CCNL2: variants seen among roughly 807,000 people sequenced by gnomAD.
The protein encoded by CCNL2 is cyclin-L2.
Under a neutral mutation model 59.1 loss-of-function variants are expected in CCNL2, and 28 were observed. The ratio of observed to expected loss-of-function variants is 0.47; its 90% confidence interval spans 0.35 to 0.65. The LOEUF (loss-of-function observed/expected upper bound fraction) is 0.65, where lower values mean the gene tolerates loss of function less well. Among genes scored for constraint, CCNL2 ranks in the 30% least tolerant of loss-of-function variants. The pLI is 0.00. For synonymous variants in CCNL2, 342 were observed against 288.6 expected, an observed-to-expected ratio of 1.19 and a Z score of -1.88; for missense variants, 714 against 717.4, an observed-to-expected ratio of 1.00 and a Z score of 0.05.
chr1:1,393,585 G>A (rs1329957599), intron 4 of CCNL2, 125 bp from the exon 5 acceptor site: 42 of 810,208 alleles, frequency 5.2e-5, no homozygotes, highest in Non-Finnish European at 6.8e-5. Flanking sequence ...CTGGCCACAC[G>A]TCTGGCGGAC....
At chr1:1,398,921 G>T in intron 1 of CCNL2, 98 bp downstream of exon 1, 1 of 1,453,520 alleles carries the variant, frequency 6.9e-7, no homozygotes. Context: ...CTGGGGTCGG[G>T]GTCTAGGCGG....
Position 1,390,498 on chromosome 1 carries a change from T to G in CCNL2, c.825A>C (p.Glu275Asp). Residue 275 changes from glutamate to aspartate, a missense_variant, in exon 7 of 11, where the codon GAA (glutamate) becomes GAC (aspartate). Transcript: ENST00000400809. ...LFGATEEEIQ[E>D]ICLKILQLYA... ...AAAGCTGCAAGATCTTTAAGCAGAT[T>G]TCCTGAATTTCTTCTTCAGTTGCTC... The G allele has an allele frequency of 6.2e-7, 1 of 1,613,880 alleles. No homozygotes were observed. The highest frequency in any genetic ancestry group is 8.5e-7 in the Non-Finnish European group (1 of 1,179,954).
rs752562869 is a variant in CCNL2 at position 1,399,272 on chromosome 1, C to T, written c.35G>A (p.Gly12Glu). 7.2e-6 allele frequency: 11 copies of T among 1,519,516 alleles called. 1 individual carries two copies. In the Admixed American group the frequency reaches 9.5e-5, roughly 13 times the overall value. The allele number at this position is 1,519,516 out of a possible 1,614,324, so 94.1% of individuals were successfully genotyped here. ...GGCCGCTGCCGCGGGAGCTGCCGAC[C>T]CTGCAGCACCAGCCGCCGCCGCCGC... is the stretch of plus-strand genomic sequence containing the variant. Reference protein sequence around the residue: ...AAAAAAAGAAGSAAPAAAAGA... With the variant: ...AAAAAAAGAAESAAPAAAAGA... Residue 12 changes from glycine to glutamate, a missense_variant, in exon 1 of 11, where the codon GGG (glycine) becomes GAG (glutamate). Physicochemically the swap from Gly to Glu is moderately conservative, Grantham distance 98. Around this residue, in one of 5 missense-constraint regions of CCNL2, gnomAD observed 270 missense variants for 254.9 expected, o/e 1.06. Coordinates refer to ENST00000400809, the MANE Select transcript of CCNL2 (RefSeq NM_030937.6).
At chr1:1,396,767 G>A (rs867701071) in intron 3 of CCNL2, among the ~76,000 whole-genome samples, 12 of 143,288 alleles carry the variant, frequency 8.4e-5, no homozygotes, top group African/African-American at 3.2e-4. Context: ...ATTTTTTTTT[G>A]AGACGGAGTC....
intron 2 of CCNL2, 121 bp downstream of exon 2, chr1:1,398,476 C>T (rs1242231846): frequency 1.3e-5 from 21 of 1,569,916 alleles, no homozygotes; most frequent in South Asian, 1.0e-4. Flanking sequence ...GAAACAGAAC[C>T]CTCCGGCACA....
At position 1,394,752 on chromosome 1, in the gene CCNL2, G is replaced by GAAAA. The variant is rs745453245; in HGVS notation, c.594+638_594+641dup. Among the ~76,000 whole-genome samples, 127 of 42,782 alleles carry GAAAA rather than the reference G, an allele frequency of 3.0e-3. 1 individual carries two copies. Among genetic ancestry groups the GAAAA allele is most frequent in the Non-Finnish European group, 3.9e-3 (74 of 19,210 alleles). 28.1% of individuals were successfully genotyped at this position (42,782 alleles called of 152,430 possible). A position where few individuals can be genotyped will look rare whatever the true frequency, so the allele number is the denominator to read the frequency against. On this transcript the variant is annotated intron_variant, in intron 4 of 10. Transcript: ENST00000400809. ...ATGACAGAGTAAGACTCCGTCTCAA[G>GAAAA]AAAAAAAAAAAAAAAAAAAAAAAAG...
rs749882532 is a variant in CCNL2 at position 1,399,007 on chromosome 1, C to G, written c.288+12G>C. On this transcript the variant is annotated intron_variant, in intron 1 of 10. Coordinates refer to ENST00000400809, the MANE Select transcript of CCNL2 (RefSeq NM_030937.6). ...GGTTACCTGGGCCGGAGGCTCGCGG[C>G]CGCGCCCTCACCTGCGGCAGGCGGA... The G allele has an allele frequency of 2.6e-4, 415 of 1,585,788 alleles. No individual in the cohort carries two copies. Among genetic ancestry groups the G allele is most frequent in the Non-Finnish European group, 3.5e-4 (407 of 1,168,840 alleles).
At chr1:1,390,680 A>T (rs1644717413) in intron 6 of CCNL2, 86 bp downstream of exon 6, 2 of 1,489,526 alleles carry the variant, frequency 1.3e-6, no homozygotes, top group South Asian at 2.3e-5. Context: ...GATTAGAGTA[A>T]TTTGAAGAAT....
intron 2 of CCNL2, 115 bp downstream of exon 2, chr1:1,398,482 G>A (rs1557738662): frequency 4.4e-6 from 7 of 1,574,770 alleles, no homozygotes; most frequent in South Asian, 3.4e-5. Context: ...GAACCCTCCG[G>A]CACAGAGCTC....
At chr1:1,388,676 C>G in intron 8 of CCNL2, 1 of 428,696 alleles carries the variant, frequency 2.3e-6, no homozygotes. Context: ...GAGGCTGAGG[C>G]ACAAGAATCA....
intron 8 of CCNL2, 67 bp from the exon 9 acceptor site, chr1:1,388,132 G>C: frequency 7.5e-7 from 1 of 1,338,694 alleles, no homozygotes; most frequent in Admixed American, 1.7e-5. Context: ...CAAGTTCGTA[G>C]AGCGAGATAA....
Position 1,399,085 on chromosome 1 carries a change from C to T in CCNL2, c.222G>A (p.Glu74=). Residue 74 remains glutamate (E), a synonymous_variant, in exon 1 of 11, where the codon GAG becomes GAA. Transcript: ENST00000400809. ...CGCAGCCCACCACGCGGAGGTCGGT[C>T]TCTGTGTCGGTGTCGAGGCCGCTCG... ...SMSSGLDTDT[E]TDLRVVGCEL... 1.2e-6 allele frequency: 2 copies of T among 1,611,634 alleles called. No homozygotes were observed. The highest frequency in any genetic ancestry group is 4.5e-5 in the East Asian group (2 of 44,738).
At chr1:1,389,923 C>T (rs1007580279) in intron 8 of CCNL2, among the ~76,000 whole-genome samples, 3 of 152,132 alleles carry the variant, frequency 2.0e-5, no homozygotes, top group Non-Finnish European at 1.5e-5. Context: ...TGCGCCACTG[C>T]ACTCCAGCCT....
chr1:1,390,725 A>C (rs775535842), intron 6 of CCNL2, 41 bp downstream of exon 6: 2 of 1,589,728 alleles, frequency 1.3e-6, no homozygotes, highest in South Asian at 2.2e-5. Context: ...TGGAGAAAAA[A>C]AAATCAGACT....
chr1:1,398,705 G>A (rs372297428), intron 1 of CCNL2, 34 bp from the exon 2 acceptor site: 7 of 1,587,286 alleles, frequency 4.4e-6, no homozygotes, highest in African/African-American at 4.0e-5. Flanking sequence ...ATTTTCAAAC[G>A]CACCATTCAA....
chr1:1,389,188 T>A (rs1219147637), intron 8 of CCNL2: 1 of 152,176 alleles, frequency 6.6e-6, no homozygotes, highest in Non-Finnish European at 1.5e-5. Flanking sequence ...GCTAACACGG[T>A]GAAACACCAT....
At chr1:1,392,560 G>A (rs1644816500) in intron 5 of CCNL2, 1 of 1,400,014 alleles carries the variant, frequency 7.1e-7, no homozygotes, top group South Asian at 1.7e-5. Flanking sequence ...CAAAATTCAA[G>A]TCAAGACAGT....
At position 1,390,853 on chromosome 1, in the gene CCNL2, G is replaced by A. The variant is rs377046007; in HGVS notation, c.672C>T (p.Asn224=). Residue 224 remains asparagine (N), a synonymous_variant, in exon 6 of 11, where the codon AAC becomes AAT. Transcript: ENST00000400809. ...CGAAGACGTCGGTGCGAAGGCTGTC[G>A]TTCATGTAATTCCTGGAAGCCAAAC... ...HLVQTSWNYM[N]DSLRTDVFVR... is the part of the protein sequence containing the mutation. The A allele has an allele frequency of 2.2e-4, 359 of 1,613,846 alleles. No homozygotes were observed. The highest frequency in any genetic ancestry group is 2.9e-4 in the Non-Finnish European group (346 of 1,179,898).
At chr1:1,393,670 C>T (rs986987329) in intron 4 of CCNL2, among the ~76,000 whole-genome samples, 1 of 152,228 alleles carries the variant, frequency 6.6e-6, no homozygotes, top group African/African-American at 2.4e-5. Flanking sequence ...TGCCCGTGAG[C>T]CCAGCCACAC....
Sources: allele counts gnomAD v4.1 joint callset (sites outside exome capture counted in the v4.1 genomes callset), GRCh38; gene constraint gnomAD v4.1.1; regional missense constraint gnomAD v4.1.1; transcripts MANE v1.5; gene names NCBI Gene and HGNC (gene_info 2026-07-23, HGNC 2026-07-21).